Variants in CDYL observed in about 807,000 individuals in gnomAD.
CDYL encodes chromodomain Y-like protein.
In CDYL, 8 loss-of-function variants were observed where a neutral mutation model predicts 47.3. The observed-to-expected ratio is 0.17, with a 90% CI of 0.10 to 0.31. The LOEUF (loss-of-function observed/expected upper bound fraction) is 0.31, where lower values mean the gene tolerates loss of function less well. CDYL is among the 10% of genes least tolerant of loss of function. The pLI, the probability that CDYL is intolerant of heterozygous loss-of-function variation, is 1.00. For synonymous variants in CDYL, 266 were observed against 265.0 expected, an observed-to-expected ratio of 1.00 and a Z score of -0.04; for missense variants, 471 against 701.4, an observed-to-expected ratio of 0.67 and a Z score of 3.71.
At chr6:4,938,763 A>G (rs1758278047) in intron 4 of CDYL, among the ~76,000 whole-genome samples, 2 of 152,146 alleles carry the variant, frequency 1.3e-5, no homozygotes, top group Admixed American at 1.3e-4. Context: ...TGCTTTTTTC[A>G]TGTGACAATA....
chr6:4,828,115 A>G (rs1282343837), intron 1 of CDYL, among the ~76,000 whole-genome samples: 2 of 152,110 alleles, frequency 1.3e-5, no homozygotes, highest in Admixed American at 1.3e-4. Context: ...CACTTGAAGC[A>G]TTTCTTTCAG....
upstream of CDYL, chr6:4,773,217 CAT>C (rs781602201): frequency 6.3e-5 from 29 of 457,162 alleles, no homozygotes; most frequent in South Asian, 2.9e-4. This position sits in a 1 kb window ranked among gnomAD's most constrained non-coding sequence, Gnocchi z 4.6. Flanking sequence ...GTCTTTTAAT[CAT>C]GTGTGTATAT....
At chr6:4,755,952 C>T (rs1274032422) in intron 3 of CDYL, among the ~76,000 whole-genome samples, 1 of 152,174 alleles carries the variant, frequency 6.6e-6, no homozygotes, top group South Asian at 2.1e-4. Context: ...CCGTAATTCT[C>T]CTTCATATGG....
chr6:4,759,135 A>AT (rs1423259861), intron 3 of CDYL, among the ~76,000 whole-genome samples: 3 of 151,534 alleles, frequency 2.0e-5, no homozygotes, highest in East Asian at 2.0e-4. Context: ...CACCTGGCTA[A>AT]TTTTTTTGTA....
chr6:4,900,810 T>TAG lies in CDYL; in HGVS notation c.691+8432_691+8433insGA, dbSNP rs1561697641. 6.2e-4 allele frequency among the ~76,000 whole-genome samples: 58 copies of TAG among 94,140 alleles called. 2 individuals are homozygous for TAG. The highest frequency in any genetic ancestry group is 2.5e-3 in the African/African-American group (57 of 22,862). The allele number at this position is 94,140 out of a possible 152,430, so 61.8% of individuals were successfully genotyped here. A position where few individuals can be genotyped will look rare whatever the true frequency, so the allele number is the denominator to read the frequency against. The stretch of plus-strand genomic sequence containing the variant: ...ATATATATATATATATATATATATA[T>TAG]ATATATATATATATATATATCTTGC... On this transcript the variant is annotated intron_variant, in intron 2 of 6. Transcript: ENST00000397588.
At chr6:4,758,967 T>C (rs1758124972) in intron 3 of CDYL, among the ~76,000 whole-genome samples, 1 of 147,872 alleles carries the variant, frequency 6.8e-6, no homozygotes, top group African/African-American at 2.6e-5. Context: ...GTTTTCTTTT[T>C]CTTTTTTTTT....
At chr6:4,734,906 G>T in intron 3 of CDYL, 1 of 1,603,572 alleles carries the variant, frequency 6.2e-7, no homozygotes, top group Non-Finnish European at 8.5e-7. Context: ...GAGCCCATAG[G>T]GGAATCGCCC....
At chr6:4,739,226 A>T in intron 3 of CDYL, among the ~76,000 whole-genome samples, 1 of 139,498 alleles carries the variant, frequency 7.2e-6, no homozygotes. Context: ...TAAAATAAAA[A>T]CAATGTTGAG....
At chr6:4,909,303 G>A (rs995908117) in intron 2 of CDYL, among the ~76,000 whole-genome samples, 6 of 152,192 alleles carry the variant, frequency 3.9e-5, no homozygotes, top group African/African-American at 1.4e-4. Flanking sequence ...GCTGTGTCCA[G>A]GCTTTCCGGC....
At chr6:4,899,827 G>T (rs534408179) in intron 2 of CDYL, among the ~76,000 whole-genome samples, 2 of 152,192 alleles carry the variant, frequency 1.3e-5, no homozygotes, top group South Asian at 2.1e-4. Context: ...GCCATATCCC[G>T]AGGGGAAGAG....
chr6:4,823,923 C>G (rs554895906), intron 1 of CDYL, among the ~76,000 whole-genome samples: 8 of 152,330 alleles, frequency 5.3e-5, no homozygotes, highest in African/African-American at 1.9e-4. Context: ...AATCTCTATT[C>G]TACTTTCTGC....
At position 4,830,858 on chromosome 6, in the gene CDYL, G is replaced by T. The variant is rs1760121856; in HGVS notation, c.24+54051G>T. On this transcript the variant is annotated intron_variant, in intron 1 of 6. Transcript: ENST00000397588. Reference sequence around the variant, plus strand: ...TATGAGTGAGAATATGCGGTGTTTGGTTTTTTGTTCTTGCGATAGTTTACT... The same window carrying T: ...TATGAGTGAGAATATGCGGTGTTTGTTTTTTTGTTCTTGCGATAGTTTACT... Among the ~76,000 whole-genome samples, 3 of 150,008 alleles carry T rather than the reference G, an allele frequency of 2.0e-5. 1 individual carries two copies. In the Admixed American group the frequency reaches 2.0e-4, roughly 10 times the overall value.
At position 4,902,150 on chromosome 6, in the gene CDYL, A is replaced by G. The variant is rs527644310; in HGVS notation, c.691+9771A>G. Among the ~76,000 whole-genome samples, 4 of 152,170 alleles carry G rather than the reference A, an allele frequency of 2.6e-5. No homozygotes were observed. In the East Asian group the frequency reaches 5.8e-4, roughly 22 times the overall value. ...GCAGTGGCTCACACCTGTAATCCCA[A>G]CACTTTGGGAGGCCAAGGTGAGTGG... On this transcript the variant is annotated intron_variant, in intron 2 of 6. Transcript: ENST00000397588.
At chr6:4,839,842 T>G (rs1291080492) in intron 1 of CDYL, among the ~76,000 whole-genome samples, 1 of 152,206 alleles carries the variant, frequency 6.6e-6, no homozygotes, top group East Asian at 1.9e-4. Context: ...TAGTTTGAAG[T>G]TGGGTAATGT....
intron 2 of CDYL, among the ~76,000 whole-genome samples, chr6:4,900,203 C>T (rs532173117): frequency 2.1e-4 from 32 of 152,292 alleles, no homozygotes; most frequent in African/African-American, 6.5e-4. Context: ...GATCATACTA[C>T]GTAATTTGTT....
At chr6:4,745,092 G>A (rs1231027481) in intron 3 of CDYL, among the ~76,000 whole-genome samples, 1 of 152,098 alleles carries the variant, frequency 6.6e-6, no homozygotes, top group Non-Finnish European at 1.5e-5. Context: ...AGCCTCCCGA[G>A]TAGCTAGTAC....
chr6:4,834,782 T>A (rs910900810), intron 1 of CDYL, among the ~76,000 whole-genome samples: 1 of 152,128 alleles, frequency 6.6e-6, no homozygotes, highest in Admixed American at 6.5e-5. Context: ...TCTTTTTATT[T>A]TTTTTTCTCT....
chr6:4,839,138 G>A (rs764330465), intron 1 of CDYL, among the ~76,000 whole-genome samples: 6 of 152,082 alleles, frequency 3.9e-5, no homozygotes, highest in Non-Finnish European at 7.4e-5. Flanking sequence ...AGGTGGTATC[G>A]CATTGTGGTT....
At chr6:4,724,102 A>G (rs1018339437) in intron 2 of CDYL, among the ~76,000 whole-genome samples, 2 of 152,196 alleles carry the variant, frequency 1.3e-5, no homozygotes, top group East Asian at 3.8e-4. Context: ...GTGCAGGGGC[A>G]TGATCTTGGC....
Sources: allele counts gnomAD v4.1 joint callset (sites outside exome capture counted in the v4.1 genomes callset), GRCh38; gene constraint gnomAD v4.1.1; non-coding constraint Gnocchi (gnomAD v3.1); transcripts MANE v1.5; gene names NCBI Gene and HGNC (gene_info 2026-07-23, HGNC 2026-07-21).